Variants in ARHGEF6 observed in about 807,000 individuals in gnomAD.
ARHGEF6 encodes rho guanine nucleotide exchange factor 6.
ARHGEF6 carries 9 observed loss-of-function variants against 70.3 expected under a neutral mutation model. That is an observed-to-expected ratio of 0.13 (90% CI 0.08 to 0.22). The LOEUF is 0.22. Ranked by LOEUF, ARHGEF6 falls within the 10% of genes least tolerant of loss-of-function variation. The probability of loss-of-function intolerance (pLI) is 1.00; values close to 1 mark genes in which losing one functional copy is unlikely to be tolerated. For missense variants in ARHGEF6, 470 were observed against 563.0 expected (o/e 0.83, Z 1.67); for synonymous variants, 201 against 207.8 (o/e 0.97, Z 0.28).
intron 5 of ARHGEF6, 130 bp downstream of exon 5, chrX:136,743,455 T>C: frequency 1.6e-6 from 1 of 606,520 alleles, no homozygotes; most frequent in Non-Finnish European, 2.7e-6. Context: ...TCTGTTCTAC[T>C]CTTATTTTTG....
chrX:136,718,414 A>G (rs775015517), intron 6 of ARHGEF6, among the ~76,000 whole-genome samples: 2 of 111,200 alleles, frequency 1.8e-5, no homozygotes, highest in African/African-American at 3.3e-5. Flanking sequence ...ATTGCAGTGG[A>G]AGCGTTCTCC....
chrX:136,692,535 G>A (rs1261046146), intron 9 of ARHGEF6, among the ~76,000 whole-genome samples: 1 of 112,312 alleles, frequency 8.9e-6, no homozygotes, highest in African/African-American at 3.2e-5. Context: ...GCTTATAAGA[G>A]AGATAAAACC....
rs963681345 is a variant in ARHGEF6 at position 136,672,138 on chromosome X, A to C, written c.2036-19T>G. 1 of 1,112,334 alleles carries C rather than the reference A, an allele frequency of 9.0e-7. No homozygotes were observed. The highest frequency in any genetic ancestry group is 1.2e-6 in the Non-Finnish European group (1 of 804,875). The allele number at this position is 1,112,334 out of a possible 1,213,427, so 91.7% of individuals were successfully genotyped here. A position where few individuals can be genotyped will look rare whatever the true frequency, so the allele number is the denominator to read the frequency against. ...CGAGTACCTACAAACAAGGGTTGCAAGATGGGGGAGGAGGGAGAGTTACTA... is the reference window on the plus strand; with the variant it reads ...CGAGTACCTACAAACAAGGGTTGCACGATGGGGGAGGAGGGAGAGTTACTA... On this transcript the variant is annotated intron_variant, in intron 19 of 21. Transcript: ENST00000250617.
chrX:136,679,694 G>A (rs749749273), intron 15 of ARHGEF6, 34 bp from the exon 16 acceptor site: 6 of 1,209,977 alleles, frequency 5.0e-6, no homozygotes, highest in Non-Finnish European at 6.7e-6. Context: ...TTGGCAATCT[G>A]CCATCTGAAC....
Position 136,686,736 on chromosome X carries a change from ATC to A in ARHGEF6, c.1246-915_1246-914del, listed in dbSNP as rs1414833837. On this transcript the variant is annotated intron_variant, in intron 11 of 21. Coordinates refer to ENST00000250617, the MANE Select transcript of ARHGEF6 (RefSeq NM_004840.3). ...TATATATATATATATATATATATATATCTCACTGCTTAAGAAACTGTGAGGTT... is the reference window on the plus strand; with the variant it reads ...TATATATATATATATATATATATATATCACTGCTTAAGAAACTGTGAGGTT... Among the ~76,000 whole-genome samples, 155 of 75,743 alleles carry A rather than the reference ATC, an allele frequency of 2.0e-3. 1 individual carries two copies. The highest frequency in any genetic ancestry group is 6.0e-3 in the African/African-American group (124 of 20,793). The allele number at this position is 75,743 out of a possible 115,157, so 65.8% of individuals were successfully genotyped here.
At chrX:136,689,435 T>C (rs919012752) in intron 10 of ARHGEF6, among the ~76,000 whole-genome samples, 1 of 112,118 alleles carries the variant, frequency 8.9e-6, no homozygotes, top group Admixed American at 9.4e-5. Flanking sequence ...CACTGAAAAG[T>C]AATAGAAACT....
At chrX:136,704,904 A>G (rs778289844) in intron 9 of ARHGEF6, among the ~76,000 whole-genome samples, 8 of 112,484 alleles carry the variant, frequency 7.1e-5, no homozygotes, top group Admixed American at 6.6e-4. Context: ...TAATATGTCT[A>G]TAATCAAAAA....
intron 5 of ARHGEF6, among the ~76,000 whole-genome samples, chrX:136,736,156 A>G (rs139477728): frequency 0.012 from 1,331 of 111,960 alleles, 22 homozygotes; most frequent in African/African-American, 0.041. Context: ...CTAGGTAACA[A>G]AACAGAGACA....
intron 3 of ARHGEF6, among the ~76,000 whole-genome samples, chrX:136,746,133 G>A (rs144590724): frequency 0.026 from 2,911 of 112,094 alleles, 111 homozygotes; most frequent in African/African-American, 0.089. Flanking sequence ...TAATTTCCTT[G>A]ATGCTGTGGG....
At chrX:136,686,597 T>TATATATATATATATATATATATACAC (rs1569393667) in intron 11 of ARHGEF6, among the ~76,000 whole-genome samples, 22 of 62,459 alleles carry the variant, frequency 3.5e-4, no homozygotes, top group Non-Finnish European at 5.3e-4. Context: ...TGTGTGTGTA[T>TATATATATATATATATATATATACAC]ATATATATAT....
intron 2 of ARHGEF6, among the ~76,000 whole-genome samples, chrX:136,765,996 C>T (rs1014070444): frequency 2.7e-5 from 3 of 112,908 alleles, no homozygotes; most frequent in Non-Finnish European, 1.9e-5. Flanking sequence ...GTTTTAACTG[C>T]TCTAAGCACA....
chrX:136,690,798 A>G, intron 9 of ARHGEF6, 50 bp from the exon 10 acceptor site: 1 of 1,146,581 alleles, frequency 8.7e-7, no homozygotes, highest in Non-Finnish European at 1.2e-6. Context: ...TCTCATGTAA[A>G]GAATTATCAA....
intron 12 of ARHGEF6, 57 bp from the exon 13 acceptor site, chrX:136,682,901 G>C (rs1216543970): frequency 1.1e-6 from 1 of 919,668 alleles, no homozygotes; most frequent in African/African-American, 1.9e-5. Flanking sequence ...TATCTGTTGA[G>C]AATTTCTGGA....
At chrX:136,718,470 G>A (rs940618089) in intron 6 of ARHGEF6, among the ~76,000 whole-genome samples, 7 of 111,304 alleles carry the variant, frequency 6.3e-5, no homozygotes, top group Non-Finnish European at 1.3e-4. Flanking sequence ...TTCCTTGTCA[G>A]TGCAAATGAC....
intron 6 of ARHGEF6, among the ~76,000 whole-genome samples, chrX:136,721,434 A>T (rs1450293762): frequency 1.8e-5 from 2 of 110,622 alleles, no homozygotes; most frequent in East Asian, 5.7e-4. Flanking sequence ...GTGGTGGTGC[A>T]CCCCTGTAGC....
At chrX:136,702,200 T>C (rs983257450) in intron 9 of ARHGEF6, among the ~76,000 whole-genome samples, 1 of 111,922 alleles carries the variant, frequency 8.9e-6, no homozygotes, top group African/African-American at 3.3e-5. Context: ...AAAGTGTTGT[T>C]AGATTTAGCT....
chrX:136,728,813 C>T (rs1218760031), intron 6 of ARHGEF6, among the ~76,000 whole-genome samples: 1 of 109,187 alleles, frequency 9.2e-6, no homozygotes, highest in South Asian at 4.1e-4. Flanking sequence ...TCTCTGTCTG[C>T]GTATTTGAGC....
intron 2 of ARHGEF6, chrX:136,767,675 T>A (rs924054295): frequency 2.4e-5 from 18 of 752,383 alleles, no homozygotes; most frequent in Non-Finnish European, 2.7e-5. Context: ...CCGCGAAGCT[T>A]CTCCAGACCA....
At chrX:136,731,816 C>T (rs893260761) in intron 6 of ARHGEF6, among the ~76,000 whole-genome samples, 1 of 112,393 alleles carries the variant, frequency 8.9e-6, no homozygotes, top group Non-Finnish European at 1.9e-5. Context: ...CTGAATTTCA[C>T]CATAATTCTT....
Sources: gnomAD v4.1 joint callset for allele counts (sites outside exome capture counted in the v4.1 genomes callset) on GRCh38, gnomAD v4.1.1 for gene constraint, MANE v1.5 for transcripts, NCBI Gene and HGNC (gene_info 2026-07-23, HGNC 2026-07-21) for gene names.